TRAPPC9: variants seen among roughly 807,000 people sequenced by gnomAD.
TRAPPC9 encodes IKK2 binding protein.
Under a neutral mutation model 124.0 loss-of-function variants are expected in TRAPPC9, and 83 were observed. The observed-to-expected ratio is 0.67, with a 90% CI of 0.56 to 0.80. TRAPPC9 has a LOEUF of 0.80. Among genes scored for constraint, TRAPPC9 ranks in the 30% least tolerant of loss-of-function variants. TRAPPC9 has a pLI of 0.00. For missense variants in TRAPPC9, 1,302 were observed against 1,508.3 expected (o/e 0.86, Z 2.27); for synonymous variants, 638 against 617.5 (o/e 1.03, Z -0.49).
intron 3 of TRAPPC9, among the ~76,000 whole-genome samples, chr8:140,435,793 G>A (rs922888584): frequency 2.6e-5 from 4 of 152,138 alleles, no homozygotes; most frequent in South Asian, 2.1e-4. Context: ...TACACAGTCC[G>A]TTCTTCTCTC....
At chr8:140,245,219 A>G (rs1325464038) in intron 16 of TRAPPC9, among the ~76,000 whole-genome samples, 1 of 152,254 alleles carries the variant, frequency 6.6e-6, no homozygotes, top group Admixed American at 6.5e-5. Flanking sequence ...AACACGACAC[A>G]GGTCCAGAAG....
intron 17 of TRAPPC9, among the ~76,000 whole-genome samples, chr8:140,091,778 T>C (rs1384450542): frequency 2.0e-5 from 3 of 152,128 alleles, no homozygotes; most frequent in Non-Finnish European, 2.9e-5. Flanking sequence ...GTTACAAAAA[T>C]AACAGAGAAT....
At chr8:140,272,425 G>GATGGTGGTGATGGTA (rs2064975636) in intron 15 of TRAPPC9, among the ~76,000 whole-genome samples, 2 of 150,750 alleles carry the variant, frequency 1.3e-5, no homozygotes, top group African/African-American at 4.9e-5. Context: ...TGGTGATGGT[G>GATGGTGGTGATGGTA]GTGATGGTAG....
At chr8:140,385,337 G>A (rs930796335) in intron 7 of TRAPPC9, among the ~76,000 whole-genome samples, 6 of 152,056 alleles carry the variant, frequency 3.9e-5, no homozygotes. Flanking sequence ...AACTGAAGGA[G>A]ATAGAGACAC....
intron 21 of TRAPPC9, among the ~76,000 whole-genome samples, chr8:139,735,945 G>A (rs746888480): frequency 6.6e-6 from 1 of 152,262 alleles, no homozygotes; most frequent in Non-Finnish European, 1.5e-5. Context: ...GGTTGGCAGG[G>A]GTTGTGGGCA....
At chr8:140,027,588 C>T (rs902274183) in intron 17 of TRAPPC9, among the ~76,000 whole-genome samples, 1 of 151,932 alleles carries the variant, frequency 6.6e-6, no homozygotes, top group Admixed American at 6.6e-5. Context: ...TAGAAAACCA[C>T]AAAAAAGATA....
chr8:140,130,032 G>A (rs1587771141), intron 17 of TRAPPC9, among the ~76,000 whole-genome samples: 2 of 152,144 alleles, frequency 1.3e-5, no homozygotes, highest in East Asian at 3.9e-4. Flanking sequence ...CGTTAGCCTG[G>A]AGCATCTCAC....
intron 21 of TRAPPC9, among the ~76,000 whole-genome samples, chr8:139,758,249 G>C (rs918175585): frequency 2.6e-5 from 4 of 152,198 alleles, no homozygotes; most frequent in Non-Finnish European, 5.9e-5. Flanking sequence ...AGGCTTATGT[G>C]GGGTGGGGAC....
At chr8:140,194,899 T>C (rs1563834995) in intron 17 of TRAPPC9, among the ~76,000 whole-genome samples, 1 of 151,596 alleles carries the variant, frequency 6.6e-6, no homozygotes, top group South Asian at 2.1e-4. Flanking sequence ...TAAAACATAG[T>C]CAATGATCCA....
At chr8:140,279,969 C>T (rs532935765) in intron 14 of TRAPPC9, among the ~76,000 whole-genome samples, 63 of 152,336 alleles carry the variant, frequency 4.1e-4, no homozygotes, top group African/African-American at 1.4e-3. Context: ...TTTGCTGGAG[C>T]GCTGGCCGGA....
At chr8:139,963,984 G>T (rs1167473576) in intron 19 of TRAPPC9, among the ~76,000 whole-genome samples, 1 of 152,076 alleles carries the variant, frequency 6.6e-6, no homozygotes, top group African/African-American at 2.4e-5. Flanking sequence ...CAGCACTTTG[G>T]GAGGCCGAGG....
intron 2 of TRAPPC9, among the ~76,000 whole-genome samples, chr8:140,448,423 C>T (rs924546103): frequency 1.6e-4 from 24 of 152,244 alleles, no homozygotes; most frequent in Admixed American, 1.0e-3. Flanking sequence ...CGCACTGCGT[C>T]ACAGCACACT....
chr8:140,386,637 C>T (rs2068762091), intron 7 of TRAPPC9, among the ~76,000 whole-genome samples: 1 of 152,214 alleles, frequency 6.6e-6, no homozygotes, highest in South Asian at 2.1e-4. Flanking sequence ...TCAAGGAGAA[C>T]TACAAACCAC....
At chr8:140,265,756 G>A (rs1018437207) in intron 15 of TRAPPC9, among the ~76,000 whole-genome samples, 10 of 152,194 alleles carry the variant, frequency 6.6e-5, no homozygotes, top group East Asian at 3.9e-4. Context: ...GTTACTTTAC[G>A]TTGATAATAA....
chr8:139,892,796 G>A (rs1444343652), intron 20 of TRAPPC9, among the ~76,000 whole-genome samples: 1 of 152,166 alleles, frequency 6.6e-6, no homozygotes, highest in Non-Finnish European at 1.5e-5. Context: ...CTCCACTGTG[G>A]AAGCTATACC....
intron 13 of TRAPPC9, among the ~76,000 whole-genome samples, chr8:140,284,758 C>T (rs2065436225): frequency 6.6e-6 from 1 of 152,204 alleles, no homozygotes; most frequent in Admixed American, 6.5e-5. Context: ...GAGAGGCAGG[C>T]ACTCCCTCGT....
intron 21 of TRAPPC9, among the ~76,000 whole-genome samples, chr8:139,743,321 AC>A (rs1818680312): frequency 6.6e-6 from 1 of 152,148 alleles, no homozygotes; most frequent in Admixed American, 6.5e-5. Flanking sequence ...CTACTCTCCA[AC>A]CTTTTGCGCT....
intron 21 of TRAPPC9, among the ~76,000 whole-genome samples, chr8:139,734,037 C>G (rs1818002281): frequency 6.6e-6 from 1 of 152,214 alleles, no homozygotes; most frequent in African/African-American, 2.4e-5. Flanking sequence ...TCTTTCGACC[C>G]CTGAAGAGGA....
In TRAPPC9 at chr8:140,434,480, A is replaced by G. The variant is rs78086229; in HGVS notation, c.859+632T>C. Among the ~76,000 whole-genome samples the G allele has an allele frequency of 5.1e-3, 772 of 152,330 alleles. 7 individuals carry two copies. The highest frequency in any genetic ancestry group is 0.017 in the African/African-American group (688 of 41,566). ...AGAAACTGCTCCCAGGCCCTGAATCAGCTTATTAAAATTGACCTCTGGGAC... is the reference window on the plus strand; with the variant it reads ...AGAAACTGCTCCCAGGCCCTGAATCGGCTTATTAAAATTGACCTCTGGGAC... On this transcript the variant is annotated intron_variant, in intron 4 of 22. Coordinates refer to ENST00000438773, the MANE Select transcript of TRAPPC9 (RefSeq NM_001160372.4).
Sources: allele counts gnomAD v4.1 joint callset (sites outside exome capture counted in the v4.1 genomes callset), GRCh38; gene constraint gnomAD v4.1.1; transcripts MANE v1.5; gene names NCBI Gene and HGNC (gene_info 2026-07-23, HGNC 2026-07-21).